NALCN: variants seen among roughly 807,000 people sequenced by gnomAD.
The protein encoded by NALCN is sodium leak channel, non-selective.
A neutral mutation model predicts 225.3 loss-of-function variants in NALCN; 111 were observed. The ratio of observed to expected loss-of-function variants is 0.49; its 90% CI spans 0.42 to 0.58. The LOEUF is 0.58. NALCN is among the 20% of genes least tolerant of loss of function. The pLI is 0.00. For synonymous variants in NALCN, 764 were observed against 769.0 expected, an observed-to-expected ratio of 0.99 and a Z score of 0.11; for missense variants, 1,378 against 2,202.4, an observed-to-expected ratio of 0.63 and a Z score of 7.49.
At chr13:101,265,854 C>T (rs2042579156) in intron 10 of NALCN, among the ~76,000 whole-genome samples, 1 of 152,082 alleles carries the variant, frequency 6.6e-6, no homozygotes. Context: ...GTCAACATTG[C>T]TCTATATATT....
intron 13 of NALCN, among the ~76,000 whole-genome samples, chr13:101,220,532 G>A (rs553016804): frequency 6.6e-6 from 1 of 152,034 alleles, no homozygotes; most frequent in East Asian, 1.9e-4. Context: ...TTCACCTTTA[G>A]TAACATTTAT....
At chr13:101,151,273 C>T (rs1415890679) in intron 15 of NALCN, among the ~76,000 whole-genome samples, 4 of 152,222 alleles carry the variant, frequency 2.6e-5, no homozygotes, top group Non-Finnish European at 5.9e-5. Flanking sequence ...TAAATCTTCC[C>T]TATTTCAGCC....
rs572038069 is a variant in NALCN at position 101,258,226 on chromosome 13, T to G, written c.1266+217A>C. ...GGGGAAAAGGGTTACCCTGGCAACG[T>G]GACATACTGTGAGGAAGATGACTCA... is the stretch of plus-strand genomic sequence containing the variant. On this transcript the variant is annotated intron_variant, in intron 11 of 43. Transcript: ENST00000251127. Among the ~76,000 whole-genome samples the G allele has an allele frequency of 2.0e-5, 3 of 152,228 alleles. No homozygotes were observed. The South Asian group carries it at 6.2e-4, about 32-fold the overall frequency.
chr13:101,302,680 C>T (rs1183650539), intron 7 of NALCN, among the ~76,000 whole-genome samples: 2 of 152,030 alleles, frequency 1.3e-5, no homozygotes, highest in Non-Finnish European at 2.9e-5. Context: ...AATATTACAA[C>T]TTAATGGTTA....
chr13:101,210,124 AT>A (rs1157879743), intron 13 of NALCN, among the ~76,000 whole-genome samples: 1 of 152,124 alleles, frequency 6.6e-6, no homozygotes, highest in Non-Finnish European at 1.5e-5. Flanking sequence ...ACAATTTAAG[AT>A]TATAGGATGC....
rs1017697194 is a variant in NALCN, at chr13:101,107,764, T to C, written c.2390A>G (p.Asn797Ser). ...TATTTCACTGTCTTCTCTTTGTGCA[T>C]TTCTATATCTCACTGTATTGGAATG... is the stretch of plus-strand genomic sequence containing the variant. Reference protein sequence around the residue: ...QDHSNTVRYRNAQREDSEIKM... With the variant: ...QDHSNTVRYRSAQREDSEIKM... Residue 797 changes from asparagine to serine, a missense_variant, in exon 21 of 44, where the codon AAT becomes AGT. By Grantham distance (46) the Asn-to-Ser change is conservative. Transcript: ENST00000251127. 6.2e-7 allele frequency: 1 copy of C among 1,613,810 alleles called. No homozygotes were observed.
chr13:101,161,257 C>A (rs2038170014), intron 15 of NALCN, among the ~76,000 whole-genome samples: 1 of 152,212 alleles, frequency 6.6e-6, no homozygotes, highest in Admixed American at 6.5e-5. Flanking sequence ...CCCTGAACTC[C>A]AGACCTATAC....
At chr13:101,198,670 C>T (rs7984120) in intron 13 of NALCN, among the ~76,000 whole-genome samples, 2 of 151,894 alleles carry the variant, frequency 1.3e-5, no homozygotes, top group South Asian at 2.1e-4. Context: ...TGGAGAAATA[C>T]GAACACTTTT....
chr13:101,235,767 A>G (rs1025807859), intron 12 of NALCN, among the ~76,000 whole-genome samples: 13 of 152,190 alleles, frequency 8.5e-5, no homozygotes, highest in Non-Finnish European at 1.9e-4. Flanking sequence ...ACAAGGGCTC[A>G]GCTTTTTGCC....
intron 10 of NALCN, among the ~76,000 whole-genome samples, chr13:101,264,222 A>C (rs921402957): frequency 3.6e-4 from 54 of 152,072 alleles, no homozygotes; most frequent in Non-Finnish European, 7.1e-4. Context: ...ATGTGTGTGC[A>C]TATTCTTTTT....
chr13:101,195,141 T>C (rs941358766), intron 13 of NALCN, among the ~76,000 whole-genome samples: 1 of 152,128 alleles, frequency 6.6e-6, no homozygotes, highest in Non-Finnish European at 1.5e-5. Flanking sequence ...TTTGGGAAAA[T>C]GAAGCAACTG....
At chr13:101,350,709 A>G (rs957822969) in intron 6 of NALCN, among the ~76,000 whole-genome samples, 1 of 152,162 alleles carries the variant, frequency 6.6e-6, no homozygotes, top group African/African-American at 2.4e-5. Context: ...AAGGTATTTT[A>G]CAGTTGTGAT....
At chr13:101,285,314 G>C (rs188875428) in intron 9 of NALCN, among the ~76,000 whole-genome samples, 1 of 151,910 alleles carries the variant, frequency 6.6e-6, no homozygotes, top group African/African-American at 2.4e-5. Context: ...TTTATTTTTG[G>C]GGGGAGATAG....
intron 30 of NALCN, among the ~76,000 whole-genome samples, 163 bp from the exon 31 acceptor site, chr13:101,083,967 T>A (rs1453688748): frequency 2.0e-5 from 3 of 152,154 alleles, no homozygotes; most frequent in African/African-American, 7.2e-5. Flanking sequence ...TGCTCAAAGT[T>A]GGTCTCGGGA....
At position 101,292,168 on chromosome 13, in the gene NALCN, A is replaced by T; in HGVS notation, c.942+56T>A. The T allele has an allele frequency of 6.2e-7, 1 of 1,612,378 alleles. No individual in the cohort carries two copies. The highest frequency in any genetic ancestry group is 2.2e-5 in the East Asian group (1 of 44,738). On this transcript the variant is annotated intron_variant, in intron 8 of 43. Coordinates refer to ENST00000251127, the MANE Select transcript of NALCN (RefSeq NM_052867.4). This position sits in a 1 kb window ranked among gnomAD's most constrained non-coding sequence, Gnocchi z 4.3. ...CAGAGGGCAACCAAAACCAAACAAA[A>T]GATCTGCAGAACTATCACAGAACAT...
chr13:101,348,423 G>T (rs1393905210), intron 6 of NALCN, among the ~76,000 whole-genome samples: 1 of 152,132 alleles, frequency 6.6e-6, no homozygotes, highest in East Asian at 1.9e-4. Flanking sequence ...CAGTTTGAAA[G>T]TTGTAGATTT....
intron 12 of NALCN, among the ~76,000 whole-genome samples, chr13:101,235,253 C>G (rs1052087455): frequency 6.6e-6 from 1 of 151,938 alleles, no homozygotes; most frequent in Non-Finnish European, 1.5e-5. Flanking sequence ...TCTTTTTTCT[C>G]TCATTAATTC....
intron 15 of NALCN, among the ~76,000 whole-genome samples, chr13:101,160,582 G>C (rs767750288): frequency 7.9e-5 from 12 of 152,142 alleles, no homozygotes; most frequent in Non-Finnish European, 1.5e-4. Context: ...GCATGCAATA[G>C]ATAAACATAT....
intron 13 of NALCN, among the ~76,000 whole-genome samples, chr13:101,208,349 A>G (rs117195368): frequency 0.012 from 1,864 of 152,094 alleles, 14 homozygotes; most frequent in Middle Eastern, 0.027. Context: ...ACGTCCAAAT[A>G]TCAGAAGGAA....
Sources: gnomAD v4.1 joint callset for allele counts (sites outside exome capture counted in the v4.1 genomes callset) on GRCh38, gnomAD v4.1.1 for gene constraint, Gnocchi (gnomAD v3.1) non-coding constraint, MANE v1.5 for transcripts, NCBI Gene and HGNC (gene_info 2026-07-23, HGNC 2026-07-21) for gene names.